ZCCHC17: variants seen among roughly 807,000 people sequenced by gnomAD.
ZCCHC17 encodes zinc finger CCHC-type containing 17, also known as zinc finger CCHC domain-containing protein 17.
In ZCCHC17, 18 loss-of-function variants were observed where a neutral mutation model predicts 30.6. That is an observed-to-expected ratio of 0.59 (90% CI 0.41 to 0.87). The LOEUF (loss-of-function observed/expected upper bound fraction) is 0.87, where lower values mean the gene tolerates loss of function less well. Among genes scored for constraint, ZCCHC17 ranks in the 40% least tolerant of loss-of-function variants. ZCCHC17 has a pLI of 0.00. For missense variants in ZCCHC17, 263 were observed against 284.2 expected (o/e 0.93, Z 0.54); for synonymous variants, 88 against 92.4 (o/e 0.95, Z 0.27).
chr1:31,345,567 A>ATATATATTATAATATATATATAATATAAT (rs1394716349), intron 5 of ZCCHC17, among the ~76,000 whole-genome samples: 1 of 99,568 alleles, frequency 1.0e-5, no homozygotes, highest in African/African-American at 4.0e-5. Context: ...TATATAATAT[A>ATATATATTATAATATATATATAATATAAT]ATATATATAT....
chr1:31,310,249 T>A, intron 2 of ZCCHC17, 85 bp downstream of exon 2: 1 of 1,416,866 alleles, frequency 7.1e-7, no homozygotes, highest in Non-Finnish European at 9.9e-7. Flanking sequence ...CCTGTCCACT[T>A]AAGTCTGTCT....
At chr1:31,308,708 T>C (rs779971652) in intron 1 of ZCCHC17, among the ~76,000 whole-genome samples, 1 of 152,218 alleles carries the variant, frequency 6.6e-6, no homozygotes, top group East Asian at 1.9e-4. Context: ...TGAGCAAGAT[T>C]ATCTCTAAGG....
At chr1:31,355,794 T>C (rs1282377100) in intron 7 of ZCCHC17, among the ~76,000 whole-genome samples, 1 of 152,226 alleles carries the variant, frequency 6.6e-6, no homozygotes, top group African/African-American at 2.4e-5. Context: ...TATCTATTGA[T>C]TTGTTTCTGC....
At chr1:31,362,378 CTCT>C (rs1452221459) in intron 7 of ZCCHC17, among the ~76,000 whole-genome samples, 1 of 152,194 alleles carries the variant, frequency 6.6e-6, no homozygotes, top group Non-Finnish European at 1.5e-5. Context: ...TACTTTCTCC[CTCT>C]TCTTAGAAAC....
chr1:31,347,233 C>T (rs1639309303), intron 6 of ZCCHC17, among the ~76,000 whole-genome samples: 1 of 152,180 alleles, frequency 6.6e-6, no homozygotes, highest in South Asian at 2.1e-4. Context: ...CTTTTTAGCT[C>T]TATTTCCTCA....
In ZCCHC17 at chr1:31,307,030, G is replaced by A. The variant is rs888398387; in HGVS notation, c.-55-3014G>A. The stretch of plus-strand genomic sequence containing the variant: ...TTTTTGTATTTTTAGTAGAGACGGG[G>A]TTTCACTATGTTGGCCGGGATGGTC... On this transcript the variant is annotated intron_variant, in intron 1 of 7. Coordinates refer to ENST00000344147, the MANE Select transcript of ZCCHC17 (RefSeq NM_016505.4). Among the ~76,000 whole-genome samples, 3 of 152,188 alleles carry A rather than the reference G, an allele frequency of 2.0e-5. No homozygotes were observed. The South Asian group carries it at 6.2e-4, about 32-fold the overall frequency.
At chr1:31,321,976 C>T (rs1439167617) in intron 3 of ZCCHC17, among the ~76,000 whole-genome samples, 1 of 152,120 alleles carries the variant, frequency 6.6e-6, no homozygotes, top group Non-Finnish European at 1.5e-5. Flanking sequence ...ATGAAGGATC[C>T]TTGTGGTGAG....
In ZCCHC17 at chr1:31,357,049, A is replaced by G. The variant is rs190479572; in HGVS notation, c.565-6983A>G. ...ATCGGTGTTATGTTATGAAGAAGTA[A>G]GTGCCTTGGGGACCAAGCTGCCCAC... is the stretch of plus-strand genomic sequence containing the variant. On this transcript the variant is annotated intron_variant, in intron 7 of 7. Coordinates refer to ENST00000344147, the MANE Select transcript of ZCCHC17 (RefSeq NM_016505.4). 2.4e-3 allele frequency among the ~76,000 whole-genome samples: 370 copies of G among 152,352 alleles called. 1 individual carries two copies. The highest frequency in any genetic ancestry group is 2.3e-3 in the Non-Finnish European group (154 of 68,038).
chr1:31,335,935 T>G (rs544095541), intron 3 of ZCCHC17, among the ~76,000 whole-genome samples: 1 of 152,368 alleles, frequency 6.6e-6, no homozygotes, highest in Admixed American at 6.5e-5. Flanking sequence ...GTTTACTTTT[T>G]TATTCCACAG....
chr1:31,348,027 C>T (rs1639337997), intron 6 of ZCCHC17, among the ~76,000 whole-genome samples: 1 of 152,196 alleles, frequency 6.6e-6, no homozygotes, highest in Admixed American at 6.5e-5. Context: ...CCCTCAGTAC[C>T]ACTATAGGCT....
At position 31,358,648 on chromosome 1, in the gene ZCCHC17, CAGG is replaced by C. The variant is rs558032828; in HGVS notation, c.565-5381_565-5379del. ...AGTAAGTGTGGGAGTAGGGAGCAGT[CAGG>C]AGTTTAGTTTGAGTTGCTGTCTACA... On this transcript the variant is annotated intron_variant, in intron 7 of 7. Coordinates refer to ENST00000344147, the MANE Select transcript of ZCCHC17 (RefSeq NM_016505.4). Among the ~76,000 whole-genome samples, 679 of 150,138 alleles carry C rather than the reference CAGG, an allele frequency of 4.5e-3. 9 individuals are homozygous for C. The highest frequency in any genetic ancestry group is 0.016 in the African/African-American group (648 of 40,646).
chr1:31,301,724 G>A lies in ZCCHC17; in HGVS notation c.-56+4649G>A, dbSNP rs140091620. Among the ~76,000 whole-genome samples, 1,020 of 152,222 alleles carry A rather than the reference G, an allele frequency of 6.7e-3. 4 individuals are homozygous for A. The highest frequency in any genetic ancestry group is 9.7e-3 in the Non-Finnish European group (661 of 68,016). On this transcript the variant is annotated intron_variant, in intron 1 of 7. Coordinates refer to ENST00000344147, the MANE Select transcript of ZCCHC17 (RefSeq NM_016505.4). ...ATTTTCAGTGGCCTAAGAGTAATAG[G>A]TTTAATTATTTCCATAATTCCTTTA...
At chr1:31,311,411 A>G (rs1646597837) in intron 2 of ZCCHC17, among the ~76,000 whole-genome samples, 1 of 152,204 alleles carries the variant, frequency 6.6e-6, no homozygotes, top group Admixed American at 6.5e-5. Flanking sequence ...GAACAGTCTG[A>G]GTTCTTGCTC....
chr1:31,309,169 T>C (rs1007156508), intron 1 of ZCCHC17, among the ~76,000 whole-genome samples: 1 of 152,220 alleles, frequency 6.6e-6, no homozygotes, highest in Non-Finnish European at 1.5e-5. Flanking sequence ...CTTAGCATAG[T>C]AGTTAAGAGA....
At chr1:31,308,004 A>C (rs966933999) in intron 1 of ZCCHC17, among the ~76,000 whole-genome samples, 2 of 152,220 alleles carry the variant, frequency 1.3e-5, no homozygotes, top group Non-Finnish European at 2.9e-5. Context: ...AGGGATAATA[A>C]AAGTCTCCTG....
chr1:31,314,531 C>CT (rs1646684948), intron 2 of ZCCHC17, among the ~76,000 whole-genome samples: 1 of 151,630 alleles, frequency 6.6e-6, no homozygotes, highest in Non-Finnish European at 1.5e-5. Context: ...ATTGTTAACT[C>CT]TATTTGATAG....
intron 7 of ZCCHC17, among the ~76,000 whole-genome samples, chr1:31,362,441 G>A (rs1639943741): frequency 6.6e-6 from 1 of 152,180 alleles, no homozygotes; most frequent in South Asian, 2.1e-4. Flanking sequence ...GATTTATGCC[G>A]TGCTTAAAAT....
intron 1 of ZCCHC17, among the ~76,000 whole-genome samples, chr1:31,306,110 A>C (rs1189871461): frequency 6.6e-6 from 1 of 152,222 alleles, no homozygotes; most frequent in Non-Finnish European, 1.5e-5. Context: ...AGCAAAACTA[A>C]CATGAATGTT....
At chr1:31,299,644 T>C (rs979142425) in intron 1 of ZCCHC17, among the ~76,000 whole-genome samples, 1 of 152,208 alleles carries the variant, frequency 6.6e-6, no homozygotes, top group Non-Finnish European at 1.5e-5. Flanking sequence ...AGCCATAACT[T>C]TCCTGGATTG....
Sources: allele counts gnomAD v4.1 joint callset (sites outside exome capture counted in the v4.1 genomes callset), GRCh38; gene constraint gnomAD v4.1.1; transcripts MANE v1.5; gene names NCBI Gene and HGNC (gene_info 2026-07-23, HGNC 2026-07-21).